GOLGA5: variants seen among roughly 807,000 people sequenced by gnomAD.
GOLGA5 encodes golgin subfamily A member 5.
In GOLGA5, 50 loss-of-function variants were observed where a neutral mutation model predicts 93.5. That is an observed-to-expected ratio of 0.53 (90% CI 0.43 to 0.68). GOLGA5 has a LOEUF of 0.68. GOLGA5 is among the 30% of genes least tolerant of loss of function. The probability of loss-of-function intolerance (pLI) is 0.00; values close to 1 mark genes in which losing one functional copy is unlikely to be tolerated. For missense variants in GOLGA5, 760 were observed against 856.4 expected (o/e 0.89, Z 1.40); for synonymous variants, 312 against 304.5 (o/e 1.02, Z -0.26).
Position 92,816,383 on chromosome 14 carries a change from C to T in GOLGA5, c.1453C>T (p.Leu485=). 6.2e-7 allele frequency: 1 copy of T among 1,614,040 alleles called. No individual in the cohort carries two copies. The highest frequency in any genetic ancestry group is 8.5e-7 in the Non-Finnish European group (1 of 1,179,944). ...KEMQREEIQK[L]MGQIHQLRSE... The stretch of plus-strand genomic sequence containing the variant: ...GATGCAGAGGGAGGAAATACAGAAG[C>T]TGATGGGCCAGATACATCAGCTCAG... The change falls in exon 7 of 13, where the codon CTG becomes TTG. Residue 485 remains leucine (L), a synonymous_variant. Coordinates refer to ENST00000163416, the MANE Select transcript of GOLGA5 (RefSeq NM_005113.4).
chr14:92,814,094 T>G (rs77058762), intron 6 of GOLGA5, among the ~76,000 whole-genome samples: 1 of 152,086 alleles, frequency 6.6e-6, no homozygotes, highest in Admixed American at 6.5e-5. Context: ...GCAAAATTGA[T>G]GCAACATTGA....
intron 1 of GOLGA5, among the ~76,000 whole-genome samples, chr14:92,796,976 CAAAAAAA>C (rs71123379): frequency 0.1 from 7,656 of 74,400 alleles, 250 homozygotes; most frequent in Middle Eastern, 0.19. Context: ...GACTCCGTCT[CAAAAAAA>C]AAAAAAAAAA....
chr14:92,797,665 CA>C lies in GOLGA5; in HGVS notation c.229del (p.Ile77SerfsTer2). The C allele has an allele frequency of 6.2e-7, 1 of 1,613,924 alleles. No homozygotes were observed. The highest frequency in any genetic ancestry group is 8.5e-7 in the Non-Finnish European group (1 of 1,179,796). On this transcript the variant is annotated frameshift_variant, in exon 2 of 13. Coordinates refer to ENST00000163416, the MANE Select transcript of GOLGA5 (RefSeq NM_005113.4). LOFTEE classifies it high-confidence loss of function. Reference sequence around the variant, plus strand: ...ATAACATTCGAAATCAAAAAGCCACCATCTTAGCTGGCACTGCAAATGTGAA... The same window carrying C: ...ATAACATTCGAAATCAAAAAGCCACCTCTTAGCTGGCACTGCAAATGTGAA... ...ADNIRNQKAT[I>X]LAGTANVKVG...
chr14:92,802,497 C>T (rs1408104524), intron 2 of GOLGA5, among the ~76,000 whole-genome samples: 1 of 152,014 alleles, frequency 6.6e-6, no homozygotes, highest in Non-Finnish European at 1.5e-5. Flanking sequence ...TCTTCATTGG[C>T]TAGGACTCAA....
rs1885379644 is a variant in GOLGA5, at chr14:92,824,632, A to G, written c.1707A>G (p.Lys569=). 5.1e-6 allele frequency: 8 copies of G among 1,570,816 alleles called. No homozygotes were observed. The East Asian group carries it at 1.8e-4, about 36-fold the overall frequency. The part of the protein sequence containing the change: ...RIKDRDEEIQ[K]LRNQLTNKTL... ...AAGATCGAGACGAAGAAATTCAAAA[A>G]CTCAGGAATCAGGTATGAATCACTA... The change falls in exon 9 of 13, where the codon AAA becomes AAG. Residue 569 remains lysine, a synonymous_variant. Transcript: ENST00000163416.
chr14:92,822,703 C>G (rs1349774437), intron 8 of GOLGA5, among the ~76,000 whole-genome samples: 1 of 152,204 alleles, frequency 6.6e-6, no homozygotes, highest in Non-Finnish European at 1.5e-5. Flanking sequence ...GTTGCCCAGG[C>G]TGGAGTGCAG....
intron 9 of GOLGA5, among the ~76,000 whole-genome samples, chr14:92,832,746 C>T (rs1335278979): frequency 6.6e-6 from 1 of 152,124 alleles, no homozygotes; most frequent in African/African-American, 2.4e-5. Context: ...GTCCTCTAAA[C>T]CCATGCTTTG....
Position 92,809,313 on chromosome 14 carries a change from A to C in GOLGA5, c.786A>C (p.Ala262=), listed in dbSNP as rs1885056651. 1 of 1,609,968 alleles carries C rather than the reference A, an allele frequency of 6.2e-7. No homozygotes were observed. Among genetic ancestry groups the C allele is most frequent in the Non-Finnish European group, 8.5e-7 (1 of 1,176,192 alleles). The change falls in exon 4 of 13, where the codon GCA becomes GCC. Residue 262 remains alanine (A), a synonymous_variant. Coordinates refer to ENST00000163416, the MANE Select transcript of GOLGA5 (RefSeq NM_005113.4). ...SKETQEELNK[A]RARVEKWNAD... is the part of the protein sequence containing the mutation. ...ATTTTTTAATAGAATTAAACAAAGC[A>C]AGAGCAAGAGTTGAAAAGTGGAATG...
At chr14:92,816,536 C>CGCTTT (rs1566956743) in intron 7 of GOLGA5, 115 bp downstream of exon 7, 7 of 725,782 alleles carry the variant, frequency 9.6e-6, no homozygotes, top group South Asian at 3.7e-5. Flanking sequence ...CTCTTCGCTT[C>CGCTTT]GCTTCGCTTC....
chr14:92,802,682 G>A lies in GOLGA5; in HGVS notation c.545-4054G>A, dbSNP rs1884898756. On this transcript the variant is annotated intron_variant, in intron 2 of 12. Transcript: ENST00000163416. ...CAATGTTTTTTCCTCTACCCTTGGA[G>A]ATAATATAGTTTTTCTTCTTTAATA... Among the ~76,000 whole-genome samples, 8 of 151,486 alleles carry A rather than the reference G, an allele frequency of 5.3e-5. No homozygotes were observed. The South Asian group carries it at 1.4e-3, about 27-fold the overall frequency.
At chr14:92,836,997 G>A (rs1885655126) in intron 11 of GOLGA5, among the ~76,000 whole-genome samples, 3 of 152,060 alleles carry the variant, frequency 2.0e-5, no homozygotes, top group Non-Finnish European at 4.4e-5. Flanking sequence ...CTTGAACCCA[G>A]GAAGCAGAGG....
chr14:92,821,476 A>G (rs1192550507), intron 8 of GOLGA5, among the ~76,000 whole-genome samples: 1 of 152,190 alleles, frequency 6.6e-6, no homozygotes, highest in African/African-American at 2.4e-5. Flanking sequence ...TGTTAATAAC[A>G]TCACTAATTT....
intron 11 of GOLGA5, among the ~76,000 whole-genome samples, chr14:92,836,773 A>G (rs1457527979): frequency 6.6e-6 from 1 of 152,154 alleles, no homozygotes; most frequent in East Asian, 1.9e-4. Context: ...TCCACTAAAA[A>G]AAGATTTAGG....
At position 92,816,404 on chromosome 14, in the gene GOLGA5, C is replaced by T. The variant is rs762744806; in HGVS notation, c.1474C>T (p.Leu492Phe). ...IQKLMGQIHQ[L>F]RSELQDMEAQ... Reference sequence around the variant, plus strand: ...GAAGCTGATGGGCCAGATACATCAGCTCAGATCCGAATTACAGGTAAGATT... The same window carrying T: ...GAAGCTGATGGGCCAGATACATCAGTTCAGATCCGAATTACAGGTAAGATT... The change falls in exon 7 of 13, where the codon CTC (leucine) becomes TTC (phenylalanine). Residue 492 changes from leucine (L) to phenylalanine (F), a missense_variant. Transcript: ENST00000163416. The T allele has an allele frequency of 1.2e-6, 2 of 1,613,830 alleles. No homozygotes were observed. Among genetic ancestry groups the T allele is most frequent in the Admixed American group, 3.3e-5 (2 of 60,010 alleles).
intron 1 of GOLGA5, among the ~76,000 whole-genome samples, chr14:92,795,395 G>T (rs1479871007): frequency 6.6e-6 from 1 of 152,124 alleles, no homozygotes; most frequent in Non-Finnish European, 1.5e-5. Flanking sequence ...GAGCTGTATG[G>T]TATAGGGAGG....
At chr14:92,794,575 C>T (rs1884676735) in intron 1 of GOLGA5, 119 bp downstream of exon 1, 2 of 152,486 alleles carry the variant, frequency 1.3e-5, no homozygotes, top group Admixed American at 6.5e-5. Context: ...TCGCGCTCAT[C>T]TTCGCCCTGT....
At chr14:92,826,094 G>T (rs919369987) in intron 9 of GOLGA5, among the ~76,000 whole-genome samples, 1 of 152,148 alleles carries the variant, frequency 6.6e-6, no homozygotes, top group Non-Finnish European at 1.5e-5. Flanking sequence ...GTTCAAGGCT[G>T]CAGTGAGCTA....
intron 2 of GOLGA5, among the ~76,000 whole-genome samples, chr14:92,799,255 G>A (rs1201237129): frequency 1.3e-5 from 2 of 151,176 alleles, no homozygotes; most frequent in African/African-American, 2.4e-5. Context: ...ATGATCTACC[G>A]TGGCCTGGCC....
At chr14:92,794,829 C>T (rs1884684658) in intron 1 of GOLGA5, among the ~76,000 whole-genome samples, 2 of 152,200 alleles carry the variant, frequency 1.3e-5, no homozygotes, top group Non-Finnish European at 2.9e-5. Flanking sequence ...TCCCTCTGTG[C>T]TGACGCCTGG....
Sources: gnomAD v4.1 joint callset for allele counts (sites outside exome capture counted in the v4.1 genomes callset) on GRCh38, gnomAD v4.1.1 for gene constraint, MANE v1.5 for transcripts, NCBI Gene and HGNC (gene_info 2026-07-23, HGNC 2026-07-21) for gene names.